CCDC91: variants seen among roughly 807,000 people sequenced by gnomAD.
CCDC91 encodes coiled-coil domain containing 91.
CCDC91 carries 48 observed loss-of-function variants against 63.2 expected under a neutral mutation model. That is an observed-to-expected ratio of 0.76 (90% confidence interval 0.60 to 0.97). CCDC91 has a LOEUF of 0.97. Among genes scored for constraint, CCDC91 ranks in the 50% least tolerant of loss-of-function variants. The pLI is 0.00. For missense variants in CCDC91, 500 were observed against 494.6 expected (o/e 1.01, Z -0.10); for synonymous variants, 167 against 165.8 (o/e 1.01, Z -0.06).
intron 8 of CCDC91, among the ~76,000 whole-genome samples, chr12:28,444,769 A>T (rs1390282219): frequency 6.6e-6 from 1 of 152,180 alleles, no homozygotes; most frequent in East Asian, 1.9e-4. Flanking sequence ...TCTGTACAGC[A>T]AACCAACGTG....
At chr12:28,313,891 T>C (rs989791440) in intron 6 of CCDC91, among the ~76,000 whole-genome samples, 3 of 152,026 alleles carry the variant, frequency 2.0e-5, no homozygotes, top group Admixed American at 1.3e-4. Flanking sequence ...TTGTCTCCTT[T>C]CTTTGACTCC....
At chr12:28,406,667 G>A (rs1201512091) in intron 8 of CCDC91, among the ~76,000 whole-genome samples, 1 of 151,870 alleles carries the variant, frequency 6.6e-6, no homozygotes, top group Admixed American at 6.6e-5. Flanking sequence ...TTATAATTTG[G>A]GTGTCTTATC....
At chr12:28,376,327 C>T (rs75380398) in intron 7 of CCDC91, among the ~76,000 whole-genome samples, 1 of 151,572 alleles carries the variant, frequency 6.6e-6, no homozygotes, top group Admixed American at 6.6e-5. Flanking sequence ...ATTGAAATTA[C>T]TGAGAATTTT....
chr12:28,335,322 TATA>T (rs1231699108), intron 6 of CCDC91, among the ~76,000 whole-genome samples: 9 of 135,660 alleles, frequency 6.6e-5, no homozygotes, highest in East Asian at 2.1e-4. Flanking sequence ...TTATGTATAA[TATA>T]ATATATTATA....
At chr12:28,369,553 G>T (rs1400224295) in intron 7 of CCDC91, among the ~76,000 whole-genome samples, 2 of 152,140 alleles carry the variant, frequency 1.3e-5, no homozygotes, top group African/African-American at 4.8e-5. Context: ...CCATTCTGGG[G>T]TCTCAAAGAT....
intron 12 of CCDC91, among the ~76,000 whole-genome samples, chr12:28,514,486 GTTTAA>G (rs1256488904): frequency 1.3e-5 from 2 of 150,870 alleles, no homozygotes; most frequent in Non-Finnish European, 3.0e-5. Context: ...TTTTGTTTTA[GTTTAA>G]TTTAATCCCA....
At chr12:28,244,577 A>G (rs1945588229) in intron 1 of CCDC91, among the ~76,000 whole-genome samples, 1 of 130,828 alleles carries the variant, frequency 7.6e-6, no homozygotes. Flanking sequence ...AACGTTGAAC[A>G]CTGGAGGTGA....
At chr12:28,462,670 G>A (rs924455204) in intron 11 of CCDC91, among the ~76,000 whole-genome samples, 6 of 152,062 alleles carry the variant, frequency 3.9e-5, no homozygotes, top group African/African-American at 1.2e-4. Context: ...AGATACTATC[G>A]TAGTATTCTA....
intron 3 of CCDC91, among the ~76,000 whole-genome samples, chr12:28,267,996 AATACTTAATTATATG>A (rs1947465569): frequency 8.2e-6 from 1 of 121,752 alleles, no homozygotes; most frequent in Non-Finnish European, 1.6e-5. Context: ...TTAATTATAT[AATACTTAATTATATG>A]ATTAATAATT....
intron 6 of CCDC91, among the ~76,000 whole-genome samples, chr12:28,349,214 T>C (rs1230826220): frequency 6.6e-6 from 1 of 152,226 alleles, no homozygotes; most frequent in Non-Finnish European, 1.5e-5. Context: ...TTCTTCTAAC[T>C]GTGCTTTTTC....
intron 8 of CCDC91, among the ~76,000 whole-genome samples, chr12:28,407,965 T>TA (rs1419784554): frequency 7.4e-4 from 51 of 68,518 alleles, no homozygotes; most frequent in South Asian, 1.2e-3. Context: ...TATATATATA[T>TA]TTTTTTTATT....
At chr12:28,439,874 G>T in intron 8 of CCDC91, among the ~76,000 whole-genome samples, 1 of 150,264 alleles carries the variant, frequency 6.7e-6, no homozygotes, top group Non-Finnish European at 1.5e-5. Flanking sequence ...CTTTATTTTA[G>T]GTTAATTTTT....
intron 1 of CCDC91, among the ~76,000 whole-genome samples, chr12:28,255,112 G>C (rs1409633929): frequency 6.6e-6 from 1 of 152,134 alleles, no homozygotes; most frequent in Non-Finnish European, 1.5e-5. Flanking sequence ...GTGGTCACTA[G>C]TATGTTCTTT....
chr12:28,336,071 C>G (rs1941959567), intron 6 of CCDC91, among the ~76,000 whole-genome samples: 1 of 143,228 alleles, frequency 7.0e-6, no homozygotes, highest in Non-Finnish European at 1.5e-5. Flanking sequence ...TTTTTTTTTA[C>G]CCTTAATCCC....
rs16932820 is a variant in CCDC91 at position 28,415,017 on chromosome 12, T to A, written c.762+23606T>A. On this transcript the variant is annotated intron_variant, in intron 8 of 12. Coordinates refer to ENST00000536442, the MANE Select transcript of CCDC91 (RefSeq NM_018318.5). ...ACTTTTTCTTACTGGTCAAATAATA[T>A]AGAAAACACTTATGCGGAGATACCT... 5.8e-3 allele frequency among the ~76,000 whole-genome samples: 884 copies of A among 152,304 alleles called. 26 individuals carry two copies. The highest frequency in any genetic ancestry group is 0.045 in the Admixed American group (687 of 15,286).
chr12:28,259,296 T>C, intron 2 of CCDC91, 68 bp from the exon 3 acceptor site: 1 of 1,134,366 alleles, frequency 8.8e-7, no homozygotes, highest in Non-Finnish European at 1.3e-6. Context: ...TGAACTGGAA[T>C]GCTTGATCAC....
intron 8 of CCDC91, among the ~76,000 whole-genome samples, chr12:28,439,718 T>TC (rs1198711828): frequency 6.8e-6 from 1 of 148,078 alleles, no homozygotes; most frequent in African/African-American, 2.4e-5. Context: ...GAGGTTTTTT[T>TC]TTTCTTTCTT....
In CCDC91 at chr12:28,417,278, T is replaced by G. The variant is rs548195309; in HGVS notation, c.762+25867T>G. 2.0e-5 allele frequency among the ~76,000 whole-genome samples: 3 copies of G among 152,234 alleles called. No individual in the cohort carries two copies. The East Asian group carries it at 5.8e-4, about 29-fold the overall frequency. ...TTAAAAAGCTATACTTTGCATGCAG[T>G]AACATTTGTCATTTTGAAAGTACAG... is the stretch of plus-strand genomic sequence containing the variant. On this transcript the variant is annotated intron_variant, in intron 8 of 12. Coordinates refer to ENST00000536442, the MANE Select transcript of CCDC91 (RefSeq NM_018318.5).
At chr12:28,497,877 G>T (rs1299521687) in intron 12 of CCDC91, among the ~76,000 whole-genome samples, 1 of 151,500 alleles carries the variant, frequency 6.6e-6, no homozygotes, top group Non-Finnish European at 1.5e-5. Flanking sequence ...TTAAGCTTTA[G>T]TGTGACTATA....
Sources: allele counts gnomAD v4.1 joint callset (sites outside exome capture counted in the v4.1 genomes callset), GRCh38; gene constraint gnomAD v4.1.1; transcripts MANE v1.5; gene names NCBI Gene and HGNC (gene_info 2026-07-23, HGNC 2026-07-21).